IL1RAPL1: variants seen among roughly 807,000 people sequenced by gnomAD.
IL1RAPL1 encodes interleukin 1 receptor accessory protein like 1, also known as interleukin-1 receptor accessory protein-like 1.
Under a neutral mutation model 48.4 loss-of-function variants are expected in IL1RAPL1, and 3 were observed. The observed-to-expected ratio is 0.06, with a 90% CI of 0.03 to 0.16. The LOEUF (loss-of-function observed/expected upper bound fraction) is 0.16, where lower values mean the gene tolerates loss of function less well. Among genes scored for constraint, IL1RAPL1 ranks in the 10% least tolerant of loss-of-function variants. IL1RAPL1 has a pLI of 1.00. For missense variants in IL1RAPL1, 349 were observed against 530.6 expected (o/e 0.66, Z 3.36); for synonymous variants, 185 against 187.7 (o/e 0.99, Z 0.12).
At chrX:29,349,121 AG>A (rs764543055) in intron 3 of IL1RAPL1, among the ~76,000 whole-genome samples, 1 of 112,495 alleles carries the variant, frequency 8.9e-6, no homozygotes, top group Admixed American at 9.4e-5. Flanking sequence ...GATTCAACAA[AG>A]TATAGACAGC....
In IL1RAPL1 at chrX:29,283,772, C is replaced by T. The variant is rs148873811; in HGVS notation, c.362+555C>T. Among the ~76,000 whole-genome samples, 18 of 112,201 alleles carry T rather than the reference C, an allele frequency of 1.6e-4. No homozygotes were observed. The East Asian group carries it at 3.6e-3, about 23-fold the overall frequency. ...AAAAATCTTCCCAAGTCTTTCAGGG[C>T]CAATACCAAAGTTAATAACAAATTC... On this transcript the variant is annotated intron_variant, in intron 3 of 10. Coordinates refer to ENST00000378993, the MANE Select transcript of IL1RAPL1 (RefSeq NM_014271.4).
At chrX:29,669,370 G>A (rs756885360) in intron 6 of IL1RAPL1, among the ~76,000 whole-genome samples, 2 of 111,316 alleles carry the variant, frequency 1.8e-5, no homozygotes, top group African/African-American at 6.5e-5. Flanking sequence ...TTTCTTCTTA[G>A]ATTAATCATA....
At chrX:29,216,204 T>C (rs1156488060) in intron 2 of IL1RAPL1, among the ~76,000 whole-genome samples, 1 of 111,220 alleles carries the variant, frequency 9.0e-6, no homozygotes, top group Non-Finnish European at 1.9e-5. Context: ...TTTTTGTTTT[T>C]GTTGAGACAG....
intron 1 of IL1RAPL1, among the ~76,000 whole-genome samples, chrX:28,615,216 T>TG (rs1569138793): frequency 8.4e-4 from 40 of 47,645 alleles, no homozygotes; most frequent in Admixed American, 2.3e-3. Context: ...TTTTTTTTTT[T>TG]TTTTTTTTTT....
intron 2 of IL1RAPL1, among the ~76,000 whole-genome samples, chrX:29,056,282 A>G (rs1927212471): frequency 9.0e-6 from 1 of 111,314 alleles, no homozygotes; most frequent in Admixed American, 9.6e-5. Flanking sequence ...ATTATTGAAA[A>G]TGGGTTAATT....
chrX:29,897,145 A>G (rs1932401351), intron 6 of IL1RAPL1, among the ~76,000 whole-genome samples: 1 of 112,455 alleles, frequency 8.9e-6, no homozygotes, highest in Admixed American at 9.4e-5. Context: ...TTATGTAGAA[A>G]TCTGAGGGTG....
At chrX:29,051,590 G>A (rs1005744321) in intron 2 of IL1RAPL1, among the ~76,000 whole-genome samples, 1 of 112,359 alleles carries the variant, frequency 8.9e-6, no homozygotes, top group African/African-American at 3.2e-5. Flanking sequence ...TGGGGATCAC[G>A]TAGCAAGTGT....
intron 1 of IL1RAPL1, among the ~76,000 whole-genome samples, chrX:28,743,100 C>T (rs1460515879): frequency 1.8e-5 from 2 of 111,203 alleles, no homozygotes; most frequent in Non-Finnish European, 3.8e-5. Flanking sequence ...CAAAATATCA[C>T]TCAATTTGTC....
intron 1 of IL1RAPL1, among the ~76,000 whole-genome samples, chrX:28,741,960 T>G (rs932387381): frequency 3.6e-5 from 4 of 111,803 alleles, no homozygotes; most frequent in Admixed American, 9.6e-5. Context: ...TTATATTTTT[T>G]GTTTCAAACT....
At chrX:29,860,693 C>T (rs1298186773) in intron 6 of IL1RAPL1, among the ~76,000 whole-genome samples, 5 of 111,896 alleles carry the variant, frequency 4.5e-5, no homozygotes, top group African/African-American at 1.6e-4. Flanking sequence ...ATGAACTCAT[C>T]GGTTTCTATG....
At chrX:28,736,278 C>T (rs1357578965) in intron 1 of IL1RAPL1, among the ~76,000 whole-genome samples, 2 of 109,884 alleles carry the variant, frequency 1.8e-5, no homozygotes, top group African/African-American at 6.6e-5. Context: ...CTAAAAAATA[C>T]AAAAAATAAG....
intron 2 of IL1RAPL1, among the ~76,000 whole-genome samples, chrX:29,072,253 G>A (rs897981088): frequency 5.4e-5 from 6 of 110,573 alleles, no homozygotes; most frequent in Admixed American, 2.9e-4. Flanking sequence ...CTATCGACTC[G>A]TCATTGTTGT....
intron 2 of IL1RAPL1, among the ~76,000 whole-genome samples, chrX:28,792,816 A>AAAAAATATATAT (rs1936562170): frequency 9.9e-5 from 1 of 10,109 alleles, no homozygotes; most frequent in African/African-American, 3.4e-4. Context: ...AAAAAAAAAA[A>AAAAAATATATAT]ATATATATAT....
intron 6 of IL1RAPL1, among the ~76,000 whole-genome samples, chrX:29,704,109 T>C (rs1012161666): frequency 4.6e-5 from 5 of 109,616 alleles, no homozygotes; most frequent in African/African-American, 1.7e-4. Context: ...TATTTTTTTT[T>C]GGTGGAGAGG....
chrX:29,788,796 A>G (rs1929563202), intron 6 of IL1RAPL1, among the ~76,000 whole-genome samples: 1 of 111,836 alleles, frequency 8.9e-6, no homozygotes, highest in Admixed American at 9.5e-5. Context: ...CTACCTATCC[A>G]TACGTCAATA....
intron 2 of IL1RAPL1, among the ~76,000 whole-genome samples, chrX:29,239,765 G>A (rs1331924776): frequency 9.1e-6 from 1 of 109,572 alleles, no homozygotes; most frequent in East Asian, 2.9e-4. Flanking sequence ...TAGTGTTAGT[G>A]TATTTTATGT....
intron 3 of IL1RAPL1, among the ~76,000 whole-genome samples, chrX:29,344,703 T>C (rs1325619853): frequency 8.9e-6 from 1 of 111,885 alleles, no homozygotes; most frequent in East Asian, 2.8e-4. Flanking sequence ...AATGGTGCGA[T>C]CTTGGCTCAC....
At chrX:29,767,339 T>G (rs759752573) in intron 6 of IL1RAPL1, among the ~76,000 whole-genome samples, 115 of 112,335 alleles carry the variant, frequency 1.0e-3, no homozygotes, top group Middle Eastern at 4.6e-3. Context: ...CCGACTCATT[T>G]GGAAGGTGTT....
At chrX:29,219,069 T>C (rs1305187800) in intron 2 of IL1RAPL1, among the ~76,000 whole-genome samples, 1 of 112,160 alleles carries the variant, frequency 8.9e-6, no homozygotes, top group Non-Finnish European at 1.9e-5. Context: ...TTTATAATTT[T>C]CTGTTGTGTG....
Sources: gnomAD v4.1 joint callset for allele counts (sites outside exome capture counted in the v4.1 genomes callset) on GRCh38, gnomAD v4.1.1 for gene constraint, MANE v1.5 for transcripts, NCBI Gene and HGNC (gene_info 2026-07-23, HGNC 2026-07-21) for gene names.